Variants in PKIG observed in about 807,000 individuals in gnomAD.
PKIG encodes protein kinase (cAMP-dependent, catalytic) inhibitor gamma.
Under a neutral mutation model 6.8 loss-of-function variants are expected in PKIG, and 1 was observed. The ratio of observed to expected loss-of-function variants is 0.15; its 90% confidence interval spans 0.05 to 0.69. The LOEUF (loss-of-function observed/expected upper bound fraction) is 0.69. Among genes scored for constraint, PKIG ranks in the 30% least tolerant of loss-of-function variants. PKIG has a pLI of 0.82. For synonymous variants in PKIG, 39 were observed against 43.0 expected, an observed-to-expected ratio of 0.91 and a Z score of 0.36; for missense variants, 77 against 104.0, an observed-to-expected ratio of 0.74 and a Z score of 1.13.
At chr20:44,555,064 T>G (rs2123212188) in intron 1 of PKIG, among the ~76,000 whole-genome samples, 1 of 152,346 alleles carries the variant, frequency 6.6e-6, no homozygotes, top group Middle Eastern at 3.4e-3. Context: ...TTTGACAGAC[T>G]GCCAGAAATC....
At chr20:44,553,222 G>T (rs950055594) in intron 1 of PKIG, among the ~76,000 whole-genome samples, 1 of 152,108 alleles carries the variant, frequency 6.6e-6, no homozygotes, top group African/African-American at 2.4e-5. Context: ...AAGGTATCAG[G>T]TCATTAATTC....
upstream of PKIG, among the ~76,000 whole-genome samples, chr20:44,581,405 A>G (rs1249466292): frequency 3.9e-5 from 6 of 152,178 alleles, no homozygotes; most frequent in Non-Finnish European, 5.9e-5. Flanking sequence ...TTGACAGTTA[A>G]AAAAACTGAA....
chr20:44,551,446 G>A (rs1284283669), intron 1 of PKIG, among the ~76,000 whole-genome samples: 1 of 152,166 alleles, frequency 6.6e-6, no homozygotes, highest in East Asian at 1.9e-4. Context: ...AAAAAGGAGT[G>A]GAGTTCTAGG....
intron 1 of PKIG, among the ~76,000 whole-genome samples, chr20:44,543,745 A>C (rs559095160): frequency 6.6e-6 from 1 of 152,088 alleles, no homozygotes; most frequent in African/African-American, 2.4e-5. Flanking sequence ...TATGGCACCC[A>C]CCTAAGGAAT....
upstream of PKIG, among the ~76,000 whole-genome samples, chr20:44,580,414 C>T (rs995116365): frequency 3.3e-5 from 5 of 151,920 alleles, no homozygotes; most frequent in African/African-American, 4.8e-5. Flanking sequence ...GGTGCAATCT[C>T]GGCTCACTGC....
At chr20:44,606,498 G>A (rs2065164644) in intron 2 of PKIG, among the ~76,000 whole-genome samples, 2 of 152,122 alleles carry the variant, frequency 1.3e-5, no homozygotes, top group Admixed American at 1.3e-4. Flanking sequence ...TTGTGAATGG[G>A]ATTAGGCACC....
chr20:44,548,849 TC>T (rs1207183243), intron 1 of PKIG, among the ~76,000 whole-genome samples: 1 of 115,848 alleles, frequency 8.6e-6, no homozygotes, highest in Non-Finnish European at 1.7e-5. Flanking sequence ...CAGCCACTCC[TC>T]CCACCACACA....
chr20:44,610,529 C>CACACACA (rs1206246062), intron 2 of PKIG, among the ~76,000 whole-genome samples: 1 of 150,962 alleles, frequency 6.6e-6, no homozygotes, highest in African/African-American at 2.5e-5. Flanking sequence ...CACACACACA[C>CACACACA]CTGCAGCACT....
At chr20:44,585,805 C>T (rs113384750) in intron 1 of PKIG, among the ~76,000 whole-genome samples, 294 of 152,352 alleles carry the variant, frequency 1.9e-3, no homozygotes, top group African/African-American at 6.6e-3. Flanking sequence ...CTGCCTGGCC[C>T]CTGGCCCCTG....
upstream of PKIG, among the ~76,000 whole-genome samples, chr20:44,580,864 T>G (rs375825225): frequency 6.6e-6 from 1 of 152,186 alleles, no homozygotes; most frequent in South Asian, 2.1e-4. Context: ...CCAGTAAAGC[T>G]CCGGTCCTAC....
At chr20:44,556,303 C>G (rs1395845538) in intron 1 of PKIG, among the ~76,000 whole-genome samples, 1 of 152,150 alleles carries the variant, frequency 6.6e-6, no homozygotes, top group Non-Finnish European at 1.5e-5. Flanking sequence ...ATGTTACAAC[C>G]AAAACTTAAT....
chr20:44,607,375 A>ATTTT (rs1484119006), intron 2 of PKIG, among the ~76,000 whole-genome samples: 27 of 106,222 alleles, frequency 2.5e-4, no homozygotes, highest in Non-Finnish European at 3.8e-4. Context: ...ATATATATAT[A>ATTTT]TATTTTTTTT....
intron 1 of PKIG, among the ~76,000 whole-genome samples, chr20:44,545,731 C>G (rs1316972152): frequency 6.6e-6 from 1 of 152,136 alleles, no homozygotes; most frequent in East Asian, 1.9e-4. Flanking sequence ...GGGAGGATCA[C>G]TTAAGCCCAG....
intron 1 of PKIG, among the ~76,000 whole-genome samples, chr20:44,568,202 A>G (rs779034982): frequency 6.6e-5 from 10 of 152,202 alleles, no homozygotes; most frequent in Non-Finnish European, 1.2e-4. Flanking sequence ...CAGTGTATGC[A>G]CATTTTGTAG....
intron 1 of PKIG, among the ~76,000 whole-genome samples, chr20:44,562,348 A>G (rs1406167396): frequency 6.6e-6 from 1 of 152,006 alleles, no homozygotes; most frequent in Non-Finnish European, 1.5e-5. Context: ...GGCTGGGCCC[A>G]GCCTTTAATC....
Position 44,614,518 on chromosome 20 carries a change from C to T in PKIG, c.-23-16C>T. 1 of 1,604,580 alleles carries T rather than the reference C, an allele frequency of 6.2e-7. No homozygotes were observed. The highest frequency in any genetic ancestry group is 8.5e-7 in the Non-Finnish European group (1 of 1,173,012). ...ATCTGGACTTACCTCTGCCCCCTTG[C>T]CTTCTGTCCCCACAGGCCTGAGGAG... On this transcript the variant is annotated splice_polypyrimidine_tract_variant and intron_variant, in intron 2 of 3. Coordinates refer to ENST00000372886, the MANE Select transcript of PKIG (RefSeq NM_001281445.2). The surrounding 1 kb of genome is among the most constrained non-coding windows in gnomAD (Gnocchi z 4.6).
At chr20:44,578,128 C>T (rs955610511), upstream of PKIG, among the ~76,000 whole-genome samples, 12 of 151,740 alleles carry the variant, frequency 7.9e-5, no homozygotes, top group African/African-American at 2.9e-4. Context: ...ATCACGAGGT[C>T]GGGAGATCGA....
chr20:44,615,237 C>G (rs538607877), intron 3 of PKIG, among the ~76,000 whole-genome samples: 3 of 152,222 alleles, frequency 2.0e-5, no homozygotes, highest in African/African-American at 7.2e-5. Context: ...AAGTCTCACC[C>G]GGTGCCACTC....
chr20:44,607,092 A>T (rs1383626110), intron 2 of PKIG, among the ~76,000 whole-genome samples: 1 of 152,216 alleles, frequency 6.6e-6, no homozygotes, highest in Non-Finnish European at 1.5e-5. Context: ...ACCTGTTATA[A>T]TAAAAAAGTC....
Sources: gnomAD v4.1 joint callset for allele counts (sites outside exome capture counted in the v4.1 genomes callset) on GRCh38, gnomAD v4.1.1 for gene constraint, Gnocchi (gnomAD v3.1) non-coding constraint, MANE v1.5 for transcripts, NCBI Gene and HGNC (gene_info 2026-07-23, HGNC 2026-07-21) for gene names.